NKAIN3: variants seen among roughly 807,000 people sequenced by gnomAD.
NKAIN3 encodes sodium/potassium transporting ATPase interacting 3, also known as sodium/potassium-transporting ATPase subunit beta-1-interacting protein 3.
A neutral mutation model predicts 30.2 loss-of-function variants in NKAIN3; 25 were observed. The observed-to-expected ratio is 0.83, with a 90% confidence interval of 0.60 to 1.16. The LOEUF (loss-of-function observed/expected upper bound fraction) is 1.16. Among genes scored for constraint, NKAIN3 ranks in the 50% most tolerant of loss-of-function variants. The pLI is 0.00. For missense variants in NKAIN3, 225 were observed against 254.1 expected, an observed-to-expected ratio of 0.89 and a Z score of 0.78; for synonymous variants, 91 against 89.6, an observed-to-expected ratio of 1.02 and a Z score of -0.09.
At chr8:62,584,197 A>G (rs1197513689) in intron 2 of NKAIN3, among the ~76,000 whole-genome samples, 1 of 152,168 alleles carries the variant, frequency 6.6e-6, no homozygotes, top group African/African-American at 2.4e-5. Context: ...TATTTTTAGT[A>G]TTGTCTTCCT....
intron 3 of NKAIN3, among the ~76,000 whole-genome samples, chr8:62,624,470 C>A (rs1409618451): frequency 6.7e-6 from 1 of 150,122 alleles, no homozygotes; most frequent in Admixed American, 6.6e-5. Flanking sequence ...AGATGTAATT[C>A]TTTGCTCCTC....
At chr8:62,604,048 A>G (rs999619208) in intron 3 of NKAIN3, among the ~76,000 whole-genome samples, 2 of 152,110 alleles carry the variant, frequency 1.3e-5, no homozygotes, top group African/African-American at 2.4e-5. Context: ...GCTGCCTGGA[A>G]TGTCTGCTGC....
At chr8:62,251,514 A>C (rs1415776310) in intron 1 of NKAIN3, among the ~76,000 whole-genome samples, 1 of 152,182 alleles carries the variant, frequency 6.6e-6, no homozygotes, top group Non-Finnish European at 1.5e-5. Context: ...TTTAAGAAAA[A>C]AGAGGAAAGT....
chr8:62,317,768 T>C (rs1195191874), intron 1 of NKAIN3, among the ~76,000 whole-genome samples: 1 of 152,246 alleles, frequency 6.6e-6, no homozygotes, highest in African/African-American at 2.4e-5. Flanking sequence ...GGACTCTTTT[T>C]TGGTTCCATG....
intron 4 of NKAIN3, among the ~76,000 whole-genome samples, chr8:62,798,102 G>T (rs1817923748): frequency 6.6e-6 from 1 of 152,162 alleles, no homozygotes; most frequent in South Asian, 2.1e-4. Context: ...AGGTCACACA[G>T]CTTGTGAGTG....
chr8:62,932,995 A>AACAC (rs59854103), intron 5 of NKAIN3, among the ~76,000 whole-genome samples: 1,731 of 141,854 alleles, frequency 0.012, 29 homozygotes, highest in African/African-American at 0.037. Context: ...TCACTCAATG[A>AACAC]ACACACACAC....
intron 1 of NKAIN3, among the ~76,000 whole-genome samples, chr8:62,292,332 G>A (rs777566228): frequency 6.6e-6 from 1 of 152,082 alleles, no homozygotes; most frequent in African/African-American, 2.4e-5. Context: ...TCCTAGCCTC[G>A]ATGGTCTTTA....
intron 3 of NKAIN3, among the ~76,000 whole-genome samples, chr8:62,631,564 CAG>C (rs1308369870): frequency 1.3e-5 from 2 of 152,190 alleles, no homozygotes; most frequent in African/African-American, 4.8e-5. Context: ...GCAAGATACT[CAG>C]AGTCCCTCGT....
intron 1 of NKAIN3, among the ~76,000 whole-genome samples, chr8:62,464,723 A>T (rs1321843936): frequency 6.6e-6 from 1 of 152,208 alleles, no homozygotes; most frequent in East Asian, 1.9e-4. Context: ...TGTCAACTGA[A>T]CTTTCCAGTT....
At chr8:62,686,871 C>T (rs1019969653) in intron 3 of NKAIN3, among the ~76,000 whole-genome samples, 1 of 152,144 alleles carries the variant, frequency 6.6e-6, no homozygotes, top group Non-Finnish European at 1.5e-5. Context: ...TTACTTAGCA[C>T]AAAAACTGCA....
chr8:62,941,110 T>A lies in NKAIN3; in HGVS notation c.533-12792T>A, dbSNP rs1301468194. On this transcript the variant is annotated intron_variant, in intron 5 of 6. Coordinates refer to ENST00000623646, the MANE Select transcript of NKAIN3 (RefSeq NM_001304533.3). ...AACACAGACAAAGATTATTCAAGGT[T>A]ACTATGAACACATTTATGTGTACAA... 2.0e-5 allele frequency among the ~76,000 whole-genome samples: 3 copies of A among 152,036 alleles called. No individual in the cohort carries two copies. In the East Asian group the frequency reaches 5.8e-4, roughly 29 times the overall value.
At chr8:62,916,099 C>T (rs1822093135) in intron 4 of NKAIN3, among the ~76,000 whole-genome samples, 3 of 148,992 alleles carry the variant, frequency 2.0e-5, no homozygotes. Flanking sequence ...ATAGATGATA[C>T]AAACTTTCCA....
intron 1 of NKAIN3, among the ~76,000 whole-genome samples, chr8:62,421,779 A>G (rs761872825): frequency 5.3e-5 from 8 of 152,236 alleles, no homozygotes; most frequent in Non-Finnish European, 1.0e-4. Context: ...ATATTTTTGT[A>G]TATCATGAGG....
At chr8:62,687,756 C>T (rs1304283675) in intron 3 of NKAIN3, among the ~76,000 whole-genome samples, 1 of 152,152 alleles carries the variant, frequency 6.6e-6, no homozygotes. Flanking sequence ...GTCAGAAACC[C>T]CTGCTCTCTT....
Position 62,841,390 on chromosome 8 carries a change from G to A in NKAIN3, c.472-77063G>A, listed in dbSNP as rs531125077. 9.9e-5 allele frequency among the ~76,000 whole-genome samples: 15 copies of A among 152,048 alleles called. No homozygotes were observed. The East Asian group carries it at 2.5e-3, about 26-fold the overall frequency. On this transcript the variant is annotated intron_variant, in intron 4 of 6. Coordinates refer to ENST00000623646, the MANE Select transcript of NKAIN3 (RefSeq NM_001304533.3). ...CATTATTATTGGCTATGGTCACCCT[G>A]CTGTGCAACAGATCTCTAAACCTCC...
At chr8:62,294,670 G>C (rs1369404527) in intron 1 of NKAIN3, among the ~76,000 whole-genome samples, 1 of 151,820 alleles carries the variant, frequency 6.6e-6, no homozygotes, top group Non-Finnish European at 1.5e-5. Flanking sequence ...ACCTTAGCCT[G>C]GGGACCACAA....
At chr8:62,480,918 A>C (rs1806699262) in intron 1 of NKAIN3, among the ~76,000 whole-genome samples, 1 of 152,126 alleles carries the variant, frequency 6.6e-6, no homozygotes, top group African/African-American at 2.4e-5. Context: ...ATCTGAAAAG[A>C]GGTAGGAGAG....
chr8:62,586,873 G>A (rs956243584), intron 2 of NKAIN3, among the ~76,000 whole-genome samples: 1 of 151,952 alleles, frequency 6.6e-6, no homozygotes, highest in South Asian at 2.1e-4. Flanking sequence ...AAGCAAAGTA[G>A]AAGAGAGATG....
At chr8:62,516,584 G>A (rs1761398786) in intron 1 of NKAIN3, among the ~76,000 whole-genome samples, 1 of 151,996 alleles carries the variant, frequency 6.6e-6, no homozygotes, top group Non-Finnish European at 1.5e-5. Context: ...GTAAACTTGA[G>A]GAAAATTAAG....
Sources: allele counts gnomAD v4.1 joint callset (sites outside exome capture counted in the v4.1 genomes callset), GRCh38; gene constraint gnomAD v4.1.1; transcripts MANE v1.5; gene names NCBI Gene and HGNC (gene_info 2026-07-23, HGNC 2026-07-21).